The following GABRB1 variants were observed in gnomAD, a reference collection of about 807,000 sequenced individuals.
GABRB1 encodes the protein gamma-aminobutyric acid receptor subunit beta-1.
Under a neutral mutation model 51.6 loss-of-function variants are expected in GABRB1, and 17 were observed. That is an observed-to-expected ratio of 0.33 (90% CI 0.23 to 0.49). GABRB1 has a LOEUF of 0.49. Among genes scored for constraint, GABRB1 ranks in the 20% least tolerant of loss-of-function variants. GABRB1 has a pLI of 0.99. For missense variants in GABRB1, 410 were observed against 600.6 expected, an observed-to-expected ratio of 0.68 and a Z score of 3.32; for synonymous variants, 247 against 218.9, an observed-to-expected ratio of 1.13 and a Z score of -1.14.
intron 8 of GABRB1, among the ~76,000 whole-genome samples, chr4:47,416,824 T>TC (rs1259888650): frequency 3.9e-5 from 6 of 152,168 alleles, no homozygotes; most frequent in Admixed American, 1.3e-4. Flanking sequence ...AAAGGATCAT[T>TC]CCAGCTTCTA....
chr4:47,307,288 A>G lies in GABRB1; in HGVS notation c.462-12839A>G, dbSNP rs147900871. Among the ~76,000 whole-genome samples the G allele has an allele frequency of 5.1e-3, 771 of 152,274 alleles. 4 individuals are homozygous for G. The highest frequency in any genetic ancestry group is 0.017 in the African/African-American group (727 of 41,576). ...TTTAACACTGGACCTATAAAAATGA[A>G]TAGAAAATAAAACTAATTTTGTTTT... On this transcript the variant is annotated intron_variant, in intron 4 of 8. Transcript: ENST00000295454.
chr4:47,128,920 A>G (rs1388924043), intron 3 of GABRB1, among the ~76,000 whole-genome samples: 4 of 152,116 alleles, frequency 2.6e-5, no homozygotes, highest in South Asian at 4.1e-4. Context: ...AAAACCGTAC[A>G]TTGTTGAACA....
chr4:47,273,416 A>C (rs1722950020), intron 4 of GABRB1, among the ~76,000 whole-genome samples: 1 of 152,202 alleles, frequency 6.6e-6, no homozygotes, highest in Non-Finnish European at 1.5e-5. Context: ...TGTGCAACAC[A>C]TAAGGAAAGT....
chr4:47,085,707 C>T lies in GABRB1; in HGVS notation c.240+53223C>T, dbSNP rs563187703. 3.3e-4 allele frequency among the ~76,000 whole-genome samples: 51 copies of T among 152,330 alleles called. 1 individual carries two copies. The South Asian group carries it at 0.01, about 31-fold the overall frequency. ...TAAAACAATGATGATTTTTAACATT[C>T]TCTGGATTGACAATGCTTTTGCTGG... On this transcript the variant is annotated intron_variant, in intron 3 of 8. Transcript: ENST00000295454.
chr4:47,320,372 T>C (rs1367420930), intron 5 of GABRB1, among the ~76,000 whole-genome samples, 163 bp downstream of exon 5: 1 of 152,240 alleles, frequency 6.6e-6, no homozygotes, highest in East Asian at 1.9e-4. Context: ...TCAATGAAGT[T>C]ATCATTTTGA....
At chr4:47,075,684 C>G (rs1727516065) in intron 3 of GABRB1, among the ~76,000 whole-genome samples, 1 of 152,118 alleles carries the variant, frequency 6.6e-6, no homozygotes, top group African/African-American at 2.4e-5. Flanking sequence ...ACAGAAATTA[C>G]TACTTGCCAC....
intron 1 of GABRB1, among the ~76,000 whole-genome samples, chr4:47,021,499 G>A (rs574963779): frequency 6.6e-6 from 1 of 152,202 alleles, no homozygotes; most frequent in East Asian, 1.9e-4. Flanking sequence ...AGGTAATCAA[G>A]GCAACCCACA....
chr4:47,367,735 A>G (rs1434191583), intron 5 of GABRB1, among the ~76,000 whole-genome samples: 1 of 152,190 alleles, frequency 6.6e-6, no homozygotes, highest in Non-Finnish European at 1.5e-5. Context: ...CCAGATTGCT[A>G]GAACAAATAA....
intron 4 of GABRB1, among the ~76,000 whole-genome samples, chr4:47,269,567 A>G (rs1722773265): frequency 6.6e-6 from 1 of 152,150 alleles, no homozygotes; most frequent in Admixed American, 6.6e-5. Flanking sequence ...AGGCAACTAG[A>G]AAAGAGATTA....
chr4:47,218,703 T>G (rs1438826947), intron 4 of GABRB1, among the ~76,000 whole-genome samples: 1 of 151,772 alleles, frequency 6.6e-6, no homozygotes, highest in Non-Finnish European at 1.5e-5. Flanking sequence ...AAGGAAGGAG[T>G]GGCTATTCCT....
At chr4:47,139,288 A>G (rs370214716) in intron 3 of GABRB1, among the ~76,000 whole-genome samples, 35 of 152,194 alleles carry the variant, frequency 2.3e-4, no homozygotes, top group South Asian at 2.3e-3. Context: ...AGCAAAGCAT[A>G]CACATAACAA....
chr4:47,085,857 G>GGAT, intron 3 of GABRB1, among the ~76,000 whole-genome samples: 1 of 152,276 alleles, frequency 6.6e-6, no homozygotes, highest in East Asian at 1.9e-4. Flanking sequence ...CCCCTCCACT[G>GGAT]TAAGGTAATC....
At chr4:47,330,167 T>G (rs1378603483) in intron 5 of GABRB1, among the ~76,000 whole-genome samples, 1 of 152,176 alleles carries the variant, frequency 6.6e-6, no homozygotes, top group East Asian at 1.9e-4. Flanking sequence ...GTCAGTTTAT[T>G]TGTTCAACTC....
chr4:47,378,317 G>A (rs1260473335), intron 5 of GABRB1, among the ~76,000 whole-genome samples: 2 of 152,220 alleles, frequency 1.3e-5, no homozygotes, highest in Non-Finnish European at 2.9e-5. Context: ...TCATTGCCTG[G>A]CGCGCCGGCA....
At chr4:47,348,791 G>A (rs113586070) in intron 5 of GABRB1, among the ~76,000 whole-genome samples, 8 of 152,286 alleles carry the variant, frequency 5.3e-5, no homozygotes, top group African/African-American at 1.9e-4. Flanking sequence ...ATGGAAAATG[G>A]ATTGACTCCG....
chr4:47,038,582 G>A (rs1176314736), intron 3 of GABRB1, among the ~76,000 whole-genome samples: 7 of 152,040 alleles, frequency 4.6e-5, no homozygotes, highest in Non-Finnish European at 8.8e-5. Context: ...TTACCCAACC[G>A]GCCTAAAATC....
intron 1 of GABRB1, among the ~76,000 whole-genome samples, chr4:47,008,249 G>A (rs528924541): frequency 1.4e-4 from 21 of 152,190 alleles, no homozygotes; most frequent in African/African-American, 5.1e-4. Context: ...GATGATCATT[G>A]TGGGACAACC....
At chr4:47,220,092 T>C (rs546638530) in intron 4 of GABRB1, among the ~76,000 whole-genome samples, 5 of 152,038 alleles carry the variant, frequency 3.3e-5, no homozygotes, top group Non-Finnish European at 7.4e-5. Context: ...TAAACCATGC[T>C]TTAAAAGAGT....
intron 5 of GABRB1, among the ~76,000 whole-genome samples, chr4:47,354,989 T>TGTTTTTG (rs1372730294): frequency 4.6e-5 from 6 of 130,366 alleles, no homozygotes; most frequent in Non-Finnish European, 8.3e-5. Flanking sequence ...TGTTTTTTTT[T>TGTTTTTG]TTTTTTTTTT....
Sources: allele counts gnomAD v4.1 joint callset (sites outside exome capture counted in the v4.1 genomes callset), GRCh38; gene constraint gnomAD v4.1.1; transcripts MANE v1.5; gene names NCBI Gene and HGNC (gene_info 2026-07-23, HGNC 2026-07-21).